RARB: variants seen among roughly 807,000 people sequenced by gnomAD.
RARB encodes HBV-activated protein.
A neutral mutation model predicts 51.9 loss-of-function variants in RARB; 17 were observed. That is an observed-to-expected ratio of 0.33 (90% confidence interval 0.22 to 0.49). The LOEUF (loss-of-function observed/expected upper bound fraction) is 0.49. Ranked by LOEUF, RARB falls within the 20% of genes least tolerant of loss-of-function variation. The pLI, the probability that RARB is intolerant of heterozygous loss-of-function variation, is 0.99. For synonymous variants in RARB, 215 were observed against 195.4 expected (o/e 1.10, Z -0.84); for missense variants, 369 against 550.8 (o/e 0.67, Z 3.30).
At chr3:25,224,990 A>G (rs1389216867) in intron 5 of RARB, among the ~76,000 whole-genome samples, 2 of 152,154 alleles carry the variant, frequency 1.3e-5, no homozygotes, top group Non-Finnish European at 2.9e-5. Context: ...GTAGTCCTCT[A>G]TAGTACTCTA....
intron 5 of RARB, among the ~76,000 whole-genome samples, chr3:25,251,043 T>C (rs992369124): frequency 6.6e-6 from 1 of 152,154 alleles, no homozygotes; most frequent in African/African-American, 2.4e-5. Context: ...GAAAGTGTTC[T>C]CTGTTAGGTG....
chr3:24,897,575 A>G (rs1177753894), intron 2 of RARB, among the ~76,000 whole-genome samples: 2 of 152,214 alleles, frequency 1.3e-5, no homozygotes, highest in Admixed American at 1.3e-4. Context: ...TTGAAGCTAT[A>G]TTTAGTTAAA....
chr3:24,905,311 T>TC (rs1422411803), intron 2 of RARB, among the ~76,000 whole-genome samples: 1 of 152,156 alleles, frequency 6.6e-6, no homozygotes, highest in Non-Finnish European at 1.5e-5. Flanking sequence ...TCTAAACAAA[T>TC]CCAATTCTAT....
At chr3:25,040,422 G>T (rs903856839) in intron 2 of RARB, among the ~76,000 whole-genome samples, 2 of 152,076 alleles carry the variant, frequency 1.3e-5, no homozygotes, top group Admixed American at 6.6e-5. Context: ...GAGCTGGATT[G>T]GTCCTTGATA....
chr3:25,557,970 C>G (rs954694681), intron 3 of RARB, among the ~76,000 whole-genome samples: 1 of 152,180 alleles, frequency 6.6e-6, no homozygotes, highest in Non-Finnish European at 1.5e-5. Flanking sequence ...TAGCTCAAGT[C>G]TCCTGCTTTG....
At chr3:25,537,859 A>G (rs1289508754) in intron 3 of RARB, among the ~76,000 whole-genome samples, 2 of 152,190 alleles carry the variant, frequency 1.3e-5, no homozygotes, top group Non-Finnish European at 2.9e-5. Flanking sequence ...CCTCACAGAC[A>G]GACCCCAAAA....
At chr3:25,355,374 C>T (rs17588596) in intron 5 of RARB, among the ~76,000 whole-genome samples, 16,030 of 152,148 alleles carry the variant, frequency 0.11, 918 homozygotes, top group South Asian at 0.19. Flanking sequence ...ATCTCCCACT[C>T]TCCAAGGACT....
chr3:25,130,904 T>C (rs538021456), intron 3 of RARB, among the ~76,000 whole-genome samples: 5 of 38,404 alleles, frequency 1.3e-4, no homozygotes, highest in Admixed American at 4.0e-4. Context: ...ATATCAATAT[T>C]ATTGATAATA....
At chr3:25,158,518 AT>A (rs1052093873) in intron 4 of RARB, among the ~76,000 whole-genome samples, 3 of 152,124 alleles carry the variant, frequency 2.0e-5, no homozygotes, top group African/African-American at 7.2e-5. Flanking sequence ...TGTAGCAAGT[AT>A]TGGTTTTAGG....
intron 3 of RARB, among the ~76,000 whole-genome samples, chr3:25,563,355 A>G (rs866430903): frequency 3.3e-5 from 5 of 152,354 alleles, no homozygotes; most frequent in Middle Eastern, 6.8e-3. Context: ...CAAAAGGCAC[A>G]TGTCTCATGA....
chr3:25,401,943 A>G (rs1707274597), intron 5 of RARB, among the ~76,000 whole-genome samples: 1 of 152,074 alleles, frequency 6.6e-6, no homozygotes, highest in Middle Eastern at 3.4e-3. Context: ...AGCTTGGCTA[A>G]TTTTTGTTAT....
At chr3:24,864,623 G>A (rs373906289) in intron 2 of RARB, among the ~76,000 whole-genome samples, 43 of 152,160 alleles carry the variant, frequency 2.8e-4, no homozygotes, top group African/African-American at 9.2e-4. Flanking sequence ...AACTCCTGGC[G>A]TCAAACTCCA....
intron 5 of RARB, among the ~76,000 whole-genome samples, chr3:25,274,633 A>C (rs1575276031): frequency 6.6e-6 from 1 of 152,138 alleles, no homozygotes; most frequent in Non-Finnish European, 1.5e-5. Flanking sequence ...ATTAGTTTAT[A>C]ATAACAACTA....
intron 3 of RARB, among the ~76,000 whole-genome samples, chr3:25,531,479 G>GT (rs1352611216): frequency 6.6e-6 from 1 of 152,116 alleles, no homozygotes; most frequent in East Asian, 1.9e-4. Flanking sequence ...GTGCGTGCGT[G>GT]TGTATATCTC....
Position 24,873,252 on chromosome 3 carries a change from G to T in RARB, c.-380+14500G>T, listed in dbSNP as rs7625121. Reference sequence around the variant, plus strand: ...TAGCTTATAAAACCATCTAGGCCTAGAATTTTCTTTGTGAACATACTTTTT... The same window carrying T: ...TAGCTTATAAAACCATCTAGGCCTATAATTTTCTTTGTGAACATACTTTTT... On this transcript the variant is annotated intron_variant, in intron 2 of 11. Coordinates refer to the RARB transcript ENST00000383772. Among the ~76,000 whole-genome samples, 838 of 152,242 alleles carry T rather than the reference G, an allele frequency of 5.5e-3. 8 individuals are homozygous for T. The highest frequency in any genetic ancestry group is 0.019 in the African/African-American group (794 of 41,562).
In RARB at chr3:25,021,429, A is replaced by C. The variant is rs114714133; in HGVS notation, c.-379-38696A>C. ...ACCATAAGATCTCTGCTTGTAAATG[A>C]GCTAAGAATCACCTTAAAAGCCGTA... On this transcript the variant is annotated intron_variant, in intron 2 of 11. Coordinates refer to the RARB transcript ENST00000383772. Among the ~76,000 whole-genome samples the C allele has an allele frequency of 7.5e-3, 1,147 of 152,088 alleles. 15 individuals carry two copies. The highest frequency in any genetic ancestry group is 0.026 in the African/African-American group (1,090 of 41,490).
At chr3:25,477,781 A>C (rs552673166) in intron 2 of RARB, among the ~76,000 whole-genome samples, 5 of 152,220 alleles carry the variant, frequency 3.3e-5, no homozygotes, top group Non-Finnish European at 7.3e-5. Flanking sequence ...CGCAAATCTT[A>C]ATAGCATAAA....
At chr3:25,219,030 A>G (rs147894141) in intron 5 of RARB, among the ~76,000 whole-genome samples, 5 of 152,032 alleles carry the variant, frequency 3.3e-5, no homozygotes, top group East Asian at 1.9e-4. Flanking sequence ...CCCTTTGTCA[A>G]CCCATCATGT....
At chr3:25,089,028 G>C (rs149018769) in intron 3 of RARB, among the ~76,000 whole-genome samples, 3 of 151,538 alleles carry the variant, frequency 2.0e-5, no homozygotes, top group East Asian at 2.0e-4. Context: ...AATTGAGTAA[G>C]AGTCTGTGAA....
Sources: gnomAD v4.1 joint callset for allele counts (sites outside exome capture counted in the v4.1 genomes callset) on GRCh38, gnomAD v4.1.1 for gene constraint, MANE v1.5 for transcripts, NCBI Gene and HGNC (gene_info 2026-07-23, HGNC 2026-07-21) for gene names.